CEACAM7: variants seen among roughly 807,000 people sequenced by gnomAD.
The protein encoded by CEACAM7 is cell adhesion molecule CEACAM7.
In CEACAM7, 24 loss-of-function variants were observed where a neutral mutation model predicts 25.7. The observed-to-expected ratio is 0.93, with a 90% CI of 0.68 to 1.31. The LOEUF is 1.31. Among genes scored for constraint, CEACAM7 ranks in the 40% most tolerant of loss-of-function variants. The probability of loss-of-function intolerance (pLI) is 0.00; values close to 1 mark genes in which losing one functional copy is unlikely to be tolerated. For synonymous variants in CEACAM7, 144 were observed against 129.4 expected (o/e 1.11, Z -0.77); for missense variants, 324 against 330.1 (o/e 0.98, Z 0.14).
intron 4 of CEACAM7, among the ~76,000 whole-genome samples, chr19:41,675,023 G>C (rs1007876955): frequency 2.0e-5 from 3 of 152,170 alleles, no homozygotes; most frequent in Non-Finnish European, 4.4e-5. Context: ...TAAACTTTTA[G>C]AAACCTCTCA....
chr19:41,686,707 G>A (rs1457212384), intron 2 of CEACAM7, 152 bp downstream of exon 2: 1 of 759,358 alleles, frequency 1.3e-6, no homozygotes, highest in Non-Finnish European at 2.1e-6. Context: ...GTAGAAGTTT[G>A]TCTCCCCCAT....
intron 3 of CEACAM7, among the ~76,000 whole-genome samples, chr19:41,678,103 G>A (rs1442669604): frequency 6.6e-6 from 1 of 151,902 alleles, no homozygotes; most frequent in Non-Finnish European, 1.5e-5. Context: ...GCTCTCCCAG[G>A]CTCCTCCCCC....
At position 41,683,816 on chromosome 19, in the gene CEACAM7, G is replaced by A. The variant is rs1555810907; in HGVS notation, c.675C>T (p.Ser225=). ...CATTCAGGGTGACTGGGTCACTGCG[G>A]CTGGCACCCACTGGGTTCTGTATTT... ...ECEIQNPVGA[S]RSDPVTLNVR... is the part of the protein sequence containing the mutation. Residue 225 remains serine, a synonymous_variant, in exon 3 of 5, where the codon AGC becomes AGT. Coordinates refer to ENST00000401731, the MANE Select transcript of CEACAM7 (RefSeq NM_001291485.2). The A allele has an allele frequency of 1.9e-6, 3 of 1,614,064 alleles. No homozygotes were observed. The highest frequency in any genetic ancestry group is 1.3e-5 in the African/African-American group (1 of 74,916).
In CEACAM7 at chr19:41,674,672, C is replaced by T. The variant is rs1192746684; in HGVS notation, c.*104G>A. The T allele has an allele frequency of 1.5e-5, 5 of 330,294 alleles. No homozygotes were observed. Among genetic ancestry groups the T allele is most frequent in the Non-Finnish European group, 2.4e-5 (4 of 165,938 alleles). 20.5% of individuals were successfully genotyped at this position (330,294 alleles called of 1,614,324 possible). ...AGCTTATAGGTCTTCAGGAAGAGAG[C>T]AGGTCTTATACTTAGTGATGCCACA... On this transcript the variant is annotated 3_prime_UTR_variant, in exon 5 of 5. Transcript: ENST00000401731.
At chr19:41,683,603 C>T (rs1186462111) in intron 3 of CEACAM7, among the ~76,000 whole-genome samples, 182 bp downstream of exon 3, 5 of 152,236 alleles carry the variant, frequency 3.3e-5, no homozygotes, top group African/African-American at 1.2e-4. Context: ...AGCCCCTCCT[C>T]TCATATTCTT....
At chr19:41,679,801 C>CTCTTTTTTTTTTTTTTTTTTTTTTTTTT (rs35780292) in intron 3 of CEACAM7, among the ~76,000 whole-genome samples, 1 of 111,926 alleles carries the variant, frequency 8.9e-6, no homozygotes. Flanking sequence ...CTCTCTCTCT[C>CTCTTTTTTTTTTTTTTTTTTTTTTTTTT]TTTTTTTTTT....
chr19:41,679,968 A>ATTTTTTT (rs35163344), intron 3 of CEACAM7, among the ~76,000 whole-genome samples: 9 of 68,878 alleles, frequency 1.3e-4, no homozygotes, highest in African/African-American at 5.4e-4. Flanking sequence ...CACCTGGCTA[A>ATTTTTTT]TTTTTTTTTT....
chr19:41,676,394 T>A (rs1458257816), intron 4 of CEACAM7, among the ~76,000 whole-genome samples: 3 of 152,240 alleles, frequency 2.0e-5, no homozygotes, highest in Admixed American at 6.5e-5. Context: ...AGGGTCTTGC[T>A]CTGTGGCCCA....
intron 1 of CEACAM7, 139 bp downstream of exon 1, chr19:41,687,963 C>G (rs1014873842): frequency 3.7e-6 from 2 of 538,388 alleles, no homozygotes. Context: ...TTCTGGTTTC[C>G]TGTCCCTGTC....
At chr19:41,676,987 G>A (rs1452044805) in intron 4 of CEACAM7, among the ~76,000 whole-genome samples, 1 of 152,188 alleles carries the variant, frequency 6.6e-6, no homozygotes, top group African/African-American at 2.4e-5. Flanking sequence ...TTTTAGGAAG[G>A]TAATGAAGTA....
At chr19:41,676,346 G>C (rs1323356277) in intron 4 of CEACAM7, among the ~76,000 whole-genome samples, 1 of 151,966 alleles carries the variant, frequency 6.6e-6, no homozygotes, top group East Asian at 1.9e-4. Flanking sequence ...TTCTATTTTG[G>C]TATTACAATT....
At chr19:41,685,939 GT>G (rs1445051512) in intron 2 of CEACAM7, among the ~76,000 whole-genome samples, 3 of 152,200 alleles carry the variant, frequency 2.0e-5, no homozygotes, top group Non-Finnish European at 4.4e-5. Context: ...CCCTGCCTCA[GT>G]GGCTGTATTT....
In CEACAM7 at chr19:41,677,445, C is replaced by T. The variant is rs1372468328; in HGVS notation, c.765G>A (p.Met255Ile). ...DLSAGTAVSI[M>I]IGVLAGMALI is the part of the protein sequence containing the mutation. ...GAGCCATCCCAGCCAGTACTCCAAT[C>T]ATGATGCTGACAGCGGTCCCAGCTG... is the stretch of plus-strand genomic sequence containing the variant. Residue 255 changes from methionine to isoleucine, a missense_variant, in exon 4 of 5, where the codon ATG (methionine) becomes ATA (isoleucine). Transcript: ENST00000401731. The T allele has an allele frequency of 1.9e-6, 3 of 1,613,960 alleles. No individual in the cohort carries two copies. Among genetic ancestry groups the T allele is most frequent in the Non-Finnish European group, 2.5e-6 (3 of 1,179,922 alleles).
intron 2 of CEACAM7, 61 bp downstream of exon 2, chr19:41,686,798 C>A: frequency 6.7e-7 from 1 of 1,498,582 alleles, no homozygotes; most frequent in Non-Finnish European, 8.9e-7. Flanking sequence ...GGCCTGACAA[C>A]CCCGTGTGTA....
At chr19:41,680,424 T>A (rs1351824186) in intron 3 of CEACAM7, among the ~76,000 whole-genome samples, 2 of 152,070 alleles carry the variant, frequency 1.3e-5, no homozygotes, top group Non-Finnish European at 2.9e-5. Context: ...AATCCTAAAA[T>A]TCATATAGAG....
At chr19:41,684,094 C>T (rs782389707) in intron 2 of CEACAM7, 31 bp from the exon 3 acceptor site, 1 of 1,565,230 alleles carries the variant, frequency 6.4e-7, no homozygotes, top group Non-Finnish European at 8.7e-7. Context: ...AAAGATTGCC[C>T]TGTGTGGCCC....
Position 41,688,126 on chromosome 19 carries a change from G to A in CEACAM7, c.40C>T (p.Pro14Ser), listed in dbSNP as rs782472267. ...PSACPYRVCIPWQGLLLTASL... is the reference protein window; with the variant it reads ...PSACPYRVCISWQGLLLTASL... ...CCTGTGAGCAGGAGCCCCTGCCAGG[G>A]AATGCACACTCTGTATGGACAGGCT... The change falls in exon 1 of 5, where the codon CCC becomes TCC. Residue 14 changes from proline (P) to serine (S), a missense_variant. Physicochemically the swap from Pro to Ser is moderately conservative, Grantham distance 74 (BLOSUM62 -1). Coordinates refer to ENST00000401731, the MANE Select transcript of CEACAM7 (RefSeq NM_001291485.2). The A allele has an allele frequency of 6.2e-7, 1 of 1,612,010 alleles. No homozygotes were observed. The highest frequency in any genetic ancestry group is 1.1e-5 in the South Asian group (1 of 90,906).
intron 3 of CEACAM7, among the ~76,000 whole-genome samples, chr19:41,683,198 G>A (rs1447950755): frequency 2.0e-5 from 3 of 152,286 alleles, no homozygotes; most frequent in African/African-American, 7.2e-5. Context: ...CCAATTTGTG[G>A]GCATAGCAGG....
intron 2 of CEACAM7, among the ~76,000 whole-genome samples, chr19:41,684,910 C>A (rs782677979): frequency 2.6e-5 from 4 of 152,206 alleles, no homozygotes; most frequent in Non-Finnish European, 5.9e-5. Context: ...GGAAACACAA[C>A]AAGAGTTTGA....
Sources: gnomAD v4.1 joint callset for allele counts (sites outside exome capture counted in the v4.1 genomes callset) on GRCh38, gnomAD v4.1.1 for gene constraint, MANE v1.5 for transcripts, NCBI Gene and HGNC (gene_info 2026-07-23, HGNC 2026-07-21) for gene names.